Variants in KHDC4 observed in about 807,000 individuals in gnomAD.
The protein encoded by KHDC4 is KH homology domain-containing protein 4.
Under a neutral mutation model 74.5 loss-of-function variants are expected in KHDC4, and 19 were observed. The observed-to-expected ratio is 0.26, with a 90% CI of 0.18 to 0.37. The LOEUF is 0.37. Ranked by LOEUF, KHDC4 falls within the 10% of genes least tolerant of loss-of-function variation. The probability of loss-of-function intolerance (pLI) is 1.00; values close to 1 mark genes in which losing one functional copy is unlikely to be tolerated. For synonymous variants in KHDC4, 253 were observed against 266.1 expected, an observed-to-expected ratio of 0.95 and a Z score of 0.48; for missense variants, 632 against 754.1, an observed-to-expected ratio of 0.84 and a Z score of 1.90.
chr1:155,929,600 T>G, intron 3 of KHDC4, 112 bp downstream of exon 3: 2 of 1,254,996 alleles, frequency 1.6e-6, no homozygotes, highest in Non-Finnish European at 2.2e-6. Context: ...ATCCTGACTT[T>G]AGAGACTATG....
chr1:155,929,368 C>T lies in KHDC4; in HGVS notation c.392G>A (p.Arg131Gln), dbSNP rs1557971391. 2.5e-6 allele frequency: 4 copies of T among 1,612,638 alleles called. No individual in the cohort carries two copies. Among genetic ancestry groups the T allele is most frequent in the Admixed American group, 1.7e-5 (1 of 59,684 alleles). ...AGTTGATACTGCAGCCCCACTAAGT[C>T]GGCTGATCTAAAAAAGGAAATGTTC... is the stretch of plus-strand genomic sequence containing the variant. ...TRGQTQDEISRLSGAAVSTRG... is the reference protein window; with the variant it reads ...TRGQTQDEISQLSGAAVSTRG... The change falls in exon 4 of 14, where the codon CGA (arginine) becomes CAA (glutamine). Residue 131 changes from arginine to glutamine, a missense_variant. Around this residue, in one of 4 missense-constraint regions of KHDC4, gnomAD observed 233 missense variants for 342.6 expected, o/e 0.68. Coordinates refer to ENST00000368321, the MANE Select transcript of KHDC4 (RefSeq NM_014949.4).
At chr1:155,924,305 G>A (rs1040882091) in intron 7 of KHDC4, among the ~76,000 whole-genome samples, 2 of 151,954 alleles carry the variant, frequency 1.3e-5, no homozygotes, top group African/African-American at 4.8e-5. Flanking sequence ...CACCTCCTGG[G>A]TTCACGTCAT....
chr1:155,929,984 C>T, intron 2 of KHDC4, 144 bp from the exon 3 acceptor site: 1 of 368,780 alleles, frequency 2.7e-6, no homozygotes, highest in Non-Finnish European at 4.4e-6. Context: ...GTGATCTCAG[C>T]TCACTGCAAC....
intron 7 of KHDC4, among the ~76,000 whole-genome samples, chr1:155,925,294 G>A (rs988476986): frequency 1.3e-5 from 2 of 151,972 alleles, no homozygotes; most frequent in African/African-American, 2.4e-5. Flanking sequence ...GCCTCCCAAA[G>A]TGCTGGGATT....
chr1:155,917,371 C>A (rs1673755423), intron 11 of KHDC4, 128 bp downstream of exon 11: 3 of 837,192 alleles, frequency 3.6e-6, no homozygotes, highest in East Asian at 4.9e-5. Context: ...GATAAAAAAC[C>A]TAACCAAAAT....
intron 10 of KHDC4, among the ~76,000 whole-genome samples, chr1:155,918,774 A>G (rs1249123647): frequency 6.6e-6 from 1 of 152,168 alleles, no homozygotes; most frequent in Non-Finnish European, 1.5e-5. Context: ...GGCTGACTGT[A>G]TTAATAACAC....
chr1:155,920,060 TC>T, intron 10 of KHDC4: 1 of 486,296 alleles, frequency 2.1e-6, no homozygotes, highest in Non-Finnish European at 4.1e-6. Flanking sequence ...ATTAAGTCTC[TC>T]CCCTGCCTCC....
chr1:155,918,983 T>G (rs1673793984), intron 10 of KHDC4, among the ~76,000 whole-genome samples: 1 of 150,408 alleles, frequency 6.6e-6, no homozygotes. Flanking sequence ...TTTTTTTTTT[T>G]TTTTTTTTTG....
In KHDC4 at chr1:155,933,295, T is replaced by C. The variant is rs559110683; in HGVS notation, c.255+338A>G. 3.5e-4 allele frequency among the ~76,000 whole-genome samples: 53 copies of C among 151,932 alleles called. No homozygotes were observed. In the South Asian group the frequency reaches 0.011, roughly 31 times the overall value. On this transcript the variant is annotated intron_variant, in intron 2 of 13. Coordinates refer to ENST00000368321, the MANE Select transcript of KHDC4 (RefSeq NM_014949.4). ...CGATTACAGGATTACAAACAACTTT[T>C]TTTTTTTTTTTTTGAGACGGAGTCT...
In KHDC4 at chr1:155,913,819, A is replaced by T; in HGVS notation, c.*302T>A. ...TCACCTGGAAAAGGCTGACCAGGTC[A>T]AATGTGTATGGGAACGACCCTGTTA... is the stretch of plus-strand genomic sequence containing the variant. On this transcript the variant is annotated 3_prime_UTR_variant, in exon 14 of 14. Coordinates refer to ENST00000368321, the MANE Select transcript of KHDC4 (RefSeq NM_014949.4). 1 of 329,578 alleles carries T rather than the reference A, an allele frequency of 3.0e-6. No homozygotes were observed. Among genetic ancestry groups the T allele is most frequent in the East Asian group, 6.1e-5 (1 of 16,402 alleles). The allele number at this position is 329,578 out of a possible 1,614,324, so 20.4% of individuals were successfully genotyped here. A position where few individuals can be genotyped will look rare whatever the true frequency, so the allele number is the denominator to read the frequency against.
rs770663047 is a variant in KHDC4, at chr1:155,917,664, C to T, written c.1275G>A (p.Met425Ile). 3 of 1,543,902 alleles carry T rather than the reference C, an allele frequency of 1.9e-6. No individual in the cohort carries two copies. Among genetic ancestry groups the T allele is most frequent in the East Asian group, 4.7e-5 (2 of 42,188 alleles). Residue 425 changes from methionine to isoleucine, a missense_variant, in exon 11 of 14, where the codon ATG (methionine) becomes ATA (isoleucine). Met to Ile is a conservative substitution (Grantham distance 10). Around this residue, in one of 4 missense-constraint regions of KHDC4, gnomAD observed 254 missense variants for 267.4 expected, o/e 0.95. Transcript: ENST00000368321. ...GAGCAGCAGGAATAAAAGGACCACC[C>T]ATCGGACTCTGGGACCAAAACAAAC... Reference protein sequence around the residue: ...QPPASTGQSPMGGPFIPAAPV... With the variant: ...QPPASTGQSPIGGPFIPAAPV...
At chr1:155,929,669 A>G (rs754999299) in intron 3 of KHDC4, 43 bp downstream of exon 3, 2 of 1,589,860 alleles carry the variant, frequency 1.3e-6, no homozygotes, top group Non-Finnish European at 1.7e-6. Flanking sequence ...CTTTATCTGA[A>G]TCCACTCACC....
In KHDC4 at chr1:155,921,608, T is replaced by C; in HGVS notation, c.1033A>G (p.Ile345Val). Residue 345 changes from isoleucine to valine, a missense_variant, in exon 10 of 14, where the codon ATA (isoleucine) becomes GTA (valine). Ile to Val is a conservative substitution (Grantham distance 29, BLOSUM62 3). Around this residue, in one of 4 missense-constraint regions of KHDC4, gnomAD observed 254 missense variants for 267.4 expected, o/e 0.95. Coordinates refer to ENST00000368321, the MANE Select transcript of KHDC4 (RefSeq NM_014949.4). ...PLPGYTQPSAISSVPPQPPYY... is the reference protein window; with the variant it reads ...PLPGYTQPSAVSSVPPQPPYY... ...GGTGGTTGAGGAGGGACACTACTTA[T>C]AGCAGAGGGTTGTGTATAGCCTGAG... is the stretch of plus-strand genomic sequence containing the variant. 6.2e-7 allele frequency: 1 copy of C among 1,613,948 alleles called. No homozygotes were observed. The highest frequency in any genetic ancestry group is 1.1e-5 in the South Asian group (1 of 91,062).
At chr1:155,926,435 T>C (rs1262188830) in intron 6 of KHDC4, 1 of 429,730 alleles carries the variant, frequency 2.3e-6, no homozygotes, top group African/African-American at 2.1e-5. Flanking sequence ...CTTCAAGCAA[T>C]TCTCCTGCCT....
Position 155,914,089 on chromosome 1 carries a change from C to T in KHDC4, c.*32G>A. Reference sequence around the variant, plus strand: ...TGCATGCATTATTGCTAAGAAGAGTCACTGAGGGTCAAAACTCTGTTCCAC... The same window carrying T: ...TGCATGCATTATTGCTAAGAAGAGTTACTGAGGGTCAAAACTCTGTTCCAC... On this transcript the variant is annotated 3_prime_UTR_variant, in exon 14 of 14. Coordinates refer to ENST00000368321, the MANE Select transcript of KHDC4 (RefSeq NM_014949.4). 1 of 1,556,928 alleles carries T rather than the reference C, an allele frequency of 6.4e-7. No individual in the cohort carries two copies. Among genetic ancestry groups the T allele is most frequent in the Non-Finnish European group, 8.9e-7 (1 of 1,128,110 alleles).
At chr1:155,933,964 A>C in intron 1 of KHDC4, 115 bp from the exon 2 acceptor site, 1 of 809,192 alleles carries the variant, frequency 1.2e-6, no homozygotes. Context: ...ACACCTCCGA[A>C]TCACCTTCCA....
In KHDC4 at chr1:155,931,319, CAGAA is replaced by C. The variant is rs199730832; in HGVS notation, c.256-1483_256-1480del. Among the ~76,000 whole-genome samples the C allele has an allele frequency of 6.4e-3, 921 of 143,510 alleles. 12 individuals are homozygous for C. Among genetic ancestry groups the C allele is most frequent in the East Asian group, 0.058 (293 of 5,016 alleles). The allele number at this position is 143,510 out of a possible 152,430, so 94.1% of individuals were successfully genotyped here. ...AAAAAAAAAAAAAAAGACAGAAAGA[CAGAA>C]AGAAAGAAAGAAAGAATGAACGAAG... On this transcript the variant is annotated intron_variant, in intron 2 of 13. Coordinates refer to ENST00000368321, the MANE Select transcript of KHDC4 (RefSeq NM_014949.4).
intron 11 of KHDC4, 86 bp from the exon 12 acceptor site, chr1:155,916,823 A>C: frequency 1.2e-6 from 1 of 842,222 alleles, no homozygotes; most frequent in South Asian, 1.5e-5. Flanking sequence ...CAAGTGCCTC[A>C]TCTTTCTGAT....
Position 155,913,947 on chromosome 1 carries a change from A to G in KHDC4, c.*174T>C, listed in dbSNP as rs767098666. The G allele has an allele frequency of 5.0e-6, 3 of 599,418 alleles. No homozygotes were observed. Among genetic ancestry groups the G allele is most frequent in the Admixed American group, 3.0e-5 (1 of 33,158 alleles). 37.1% of individuals were successfully genotyped at this position (599,418 alleles called of 1,614,324 possible). On this transcript the variant is annotated 3_prime_UTR_variant, in exon 14 of 14. Coordinates refer to ENST00000368321, the MANE Select transcript of KHDC4 (RefSeq NM_014949.4). ...TAACAGATTCTATGCCACTGCAGAA[A>G]TAAGGATTTTTGTGGTTGTTAAGGA...
Sources: allele counts gnomAD v4.1 joint callset (sites outside exome capture counted in the v4.1 genomes callset), GRCh38; gene constraint gnomAD v4.1.1; regional missense constraint gnomAD v4.1.1; transcripts MANE v1.5; gene names NCBI Gene and HGNC (gene_info 2026-07-23, HGNC 2026-07-21).